Variants in PKD2 observed in about 807,000 individuals in gnomAD.
The protein encoded by PKD2 is polycystin 2, transient receptor potential cation channel.
In PKD2, 48 loss-of-function variants were observed where a neutral mutation model predicts 105.9. The ratio of observed to expected loss-of-function variants is 0.45; its 90% CI spans 0.36 to 0.58. PKD2 has a LOEUF of 0.58. PKD2 is among the 20% of genes least tolerant of loss of function. The probability of loss-of-function intolerance (pLI) is 0.00; values close to 1 mark genes in which losing one functional copy is unlikely to be tolerated. For synonymous variants in PKD2, 464 were observed against 481.1 expected, an observed-to-expected ratio of 0.96 and a Z score of 0.46; for missense variants, 1,078 against 1,255.3, an observed-to-expected ratio of 0.86 and a Z score of 2.13.
chr4:88,050,653 T>C (rs1720053361), intron 6 of PKD2, among the ~76,000 whole-genome samples: 1 of 152,150 alleles, frequency 6.6e-6, no homozygotes, highest in Non-Finnish European at 1.5e-5. Context: ...AGAGTTACCA[T>C]TGGATCCAGT....
At position 88,076,584 on chromosome 4, in the gene PKD2, A is replaced by T. The variant is rs1721242108; in HGVS notation, c.*890A>T. 6.6e-6 allele frequency: 1 copy of T among 152,224 alleles called. No individual in the cohort carries two copies. Among genetic ancestry groups the T allele is most frequent in the Non-Finnish European group, 1.5e-5 (1 of 68,038 alleles). The allele number at this position is 152,224 out of a possible 1,614,324, so 9.4% of individuals were successfully genotyped here. A position where few individuals can be genotyped will look rare whatever the true frequency, so the allele number is the denominator to read the frequency against. ...TCATCTAGTGAGACCAACTTACTAA[A>T]TTTTTAGTATGCACTGAAAGTTTTT... On this transcript the variant is annotated 3_prime_UTR_variant, in exon 15 of 15. Transcript: ENST00000237596.
Position 88,056,181 on chromosome 4 carries a change from C to A in PKD2, c.1812C>A (p.Phe604Leu), listed in dbSNP as rs750325515. 1 of 1,613,308 alleles carries A rather than the reference C, an allele frequency of 6.2e-7. No individual in the cohort carries two copies. Among genetic ancestry groups the A allele is most frequent in the Non-Finnish European group, 8.5e-7 (1 of 1,179,414 alleles). Reference protein sequence around the residue: ...AKDLFGFAIMFFIIFLAYAQL... With the variant: ...AKDLFGFAIMLFIIFLAYAQL... ...ACCTGTTTGGCTTTGCTATTATGTT[C>A]TTCATTATTTTCCTAGCGTATGCTC... is the stretch of plus-strand genomic sequence containing the variant. Residue 604 changes from phenylalanine to leucine, a missense_variant, in exon 8 of 15, where the codon TTC (phenylalanine) becomes TTA (leucine). By Grantham distance (22) the Phe-to-Leu change is conservative. This residue lies in a region of PKD2 where 868 missense variants were observed against 1,067.3 expected (regional missense o/e 0.81). Coordinates refer to ENST00000237596, the MANE Select transcript of PKD2 (RefSeq NM_000297.4).
chr4:88,037,731 A>G (rs6847466), intron 3 of PKD2, among the ~76,000 whole-genome samples: 2,344 of 152,298 alleles, frequency 0.015, 62 homozygotes, highest in African/African-American at 0.053. Flanking sequence ...ACTTTTGTAT[A>G]CACATTCCAT....
At chr4:88,044,728 G>A (rs75169140) in intron 5 of PKD2, among the ~76,000 whole-genome samples, 1,813 of 152,244 alleles carry the variant, frequency 0.012, 35 homozygotes, top group African/African-American at 0.041. Flanking sequence ...ATCAACTGTT[G>A]TGTGCCAGCA....
At chr4:88,072,584 A>T (rs1021574926) in intron 13 of PKD2, among the ~76,000 whole-genome samples, 40 of 152,168 alleles carry the variant, frequency 2.6e-4, no homozygotes, top group Non-Finnish European at 4.9e-4. Context: ...ATCCTGCTTT[A>T]TGAACAAGTC....
intron 8 of PKD2, among the ~76,000 whole-genome samples, chr4:88,057,494 G>A (rs532167263): frequency 4.7e-5 from 7 of 148,892 alleles, no homozygotes; most frequent in East Asian, 2.0e-4. Flanking sequence ...AGAGTGCAGC[G>A]GTGTAATCTC....
chr4:88,065,380 CATAA>C lies in PKD2; in HGVS notation c.2127_2130del (p.His709GlnfsTer6). On this transcript the variant is annotated frameshift_variant, in exon 11 of 15. Transcript: ENST00000237596. LOFTEE classifies it high-confidence loss of function. ...TTTTTTCTCTCTCTGATAGGGCTAC[CATAA>C]AGCTTTGGTCAAACTAAAACTGAAA... 6.2e-7 allele frequency: 1 copy of C among 1,611,572 alleles called. No homozygotes were observed. The highest frequency in any genetic ancestry group is 1.1e-5 in the South Asian group (1 of 91,012).
rs764051714 is a variant in PKD2, at chr4:88,038,319, C to T, written c.912C>T (p.Asp304=). The change falls in exon 4 of 15, where the codon GAC becomes GAT. Residue 304 remains aspartate (D), a synonymous_variant. Coordinates refer to ENST00000237596, the MANE Select transcript of PKD2 (RefSeq NM_000297.4). ...KMQPSNQTEA[D]NRSFIFYENL... ...AGCCCAGCAACCAGACTGAAGCTGA[C>T]AACCGAAGTTTCATCTTCTATGAGA... is the stretch of plus-strand genomic sequence containing the variant. 1 of 1,613,800 alleles carries T rather than the reference C, an allele frequency of 6.2e-7. No individual in the cohort carries two copies. The highest frequency in any genetic ancestry group is 8.5e-7 in the Non-Finnish European group (1 of 1,179,674).
At chr4:88,052,778 TAGAGAA>T (rs1305870342) in intron 7 of PKD2, among the ~76,000 whole-genome samples, 1 of 151,820 alleles carries the variant, frequency 6.6e-6, no homozygotes, top group Non-Finnish European at 1.5e-5. Context: ...AAAAGGAACT[TAGAGAA>T]AGAGAGGGAA....
intron 10 of PKD2, 34 bp downstream of exon 10, chr4:88,062,038 T>C (rs374421128): frequency 2.5e-5 from 25 of 1,014,818 alleles, no homozygotes; most frequent in Non-Finnish European, 3.5e-5. Context: ...AATTCTTCTG[T>C]TTCTGACATA....
At chr4:88,044,887 C>CA (rs1252652514) in intron 5 of PKD2, among the ~76,000 whole-genome samples, 7 of 145,776 alleles carry the variant, frequency 4.8e-5, no homozygotes, top group African/African-American at 1.0e-4. Context: ...TCACAGTGGC[C>CA]AAAAAAAAAG....
At chr4:88,066,523 G>A (rs1056433555) in intron 12 of PKD2, among the ~76,000 whole-genome samples, 6 of 151,820 alleles carry the variant, frequency 4.0e-5, no homozygotes, top group African/African-American at 9.7e-5. Flanking sequence ...CATCATGCCC[G>A]GCTAATTTTT....
rs1390480223 is a variant in PKD2, at chr4:88,007,860, C to T, written c.127C>T (p.Pro43Ser). The T allele has an allele frequency of 2.1e-5, 26 of 1,234,366 alleles. No homozygotes were observed. Among genetic ancestry groups the T allele is most frequent in the Non-Finnish European group, 2.6e-5 (26 of 989,756 alleles). The allele number at this position is 1,234,366 out of a possible 1,614,324, so 76.5% of individuals were successfully genotyped here. A position where few individuals can be genotyped will look rare whatever the true frequency, so the allele number is the denominator to read the frequency against. The change falls in exon 1 of 15, where the codon CCG becomes TCG. Residue 43 changes from proline to serine, a missense_variant. Pro to Ser is a moderately conservative substitution (Grantham distance 74, BLOSUM62 -1). Coordinates refer to ENST00000237596, the MANE Select transcript of PKD2 (RefSeq NM_000297.4). ...CAAVGASLAA[P>S]GGLCEQRGLE... The stretch of plus-strand genomic sequence containing the variant: ...GGCCGTGGGCGCCAGCCTCGCCGCC[C>T]CGGGCGGCCTCTGCGAGCAGCGGGG...
chr4:88,036,813 A>G (rs1381510039), intron 3 of PKD2, among the ~76,000 whole-genome samples: 1 of 152,216 alleles, frequency 6.6e-6, no homozygotes, highest in Non-Finnish European at 1.5e-5. Flanking sequence ...TGTAAGGCCA[A>G]TGAAGGGCAG....
chr4:88,060,028 G>A (rs1720512888), intron 9 of PKD2, among the ~76,000 whole-genome samples: 1 of 152,138 alleles, frequency 6.6e-6, no homozygotes, highest in African/African-American at 2.4e-5. Flanking sequence ...GGGAACCTCG[G>A]GAGACAGGAT....
At chr4:88,008,443 C>G (rs973551050) in intron 1 of PKD2, 115 bp downstream of exon 1, 3 of 1,294,022 alleles carry the variant, frequency 2.3e-6, no homozygotes, top group Non-Finnish European at 3.0e-6. Flanking sequence ...CCTCTGCGTT[C>G]CGCCTCCCTT....
rs2110107209 is a variant in PKD2, at chr4:88,038,409, C to T, written c.1002C>T (p.Pro334=). The T allele has an allele frequency of 6.2e-7, 1 of 1,613,376 alleles. No homozygotes were observed. The highest frequency in any genetic ancestry group is 8.5e-7 in the Non-Finnish European group (1 of 1,179,344). Reference sequence around the variant, plus strand: ...TCAGAAATGGATCCTGCTCTATCCCCCAGGACTTGAGAGATGAAATTAAAG... The same window carrying T: ...TCAGAAATGGATCCTGCTCTATCCCTCAGGACTTGAGAGATGAAATTAAAG... ...LRVRNGSCSI[P]QDLRDEIKEC... Residue 334 remains proline (P), a synonymous_variant, in exon 4 of 15, where the codon CCC becomes CCT. Coordinates refer to ENST00000237596, the MANE Select transcript of PKD2 (RefSeq NM_000297.4).
chr4:88,042,402 C>T (rs1450501125), intron 4 of PKD2, among the ~76,000 whole-genome samples: 2 of 152,168 alleles, frequency 1.3e-5, no homozygotes, highest in African/African-American at 4.8e-5. Context: ...GATTCAATTA[C>T]CTCCTACCGG....
At position 88,008,398 on chromosome 4, in the gene PKD2, C is replaced by G; in HGVS notation, c.595+70C>G. The G allele has an allele frequency of 2.7e-6, 4 of 1,458,358 alleles. No individual in the cohort carries two copies. In the South Asian group the frequency reaches 5.3e-5, roughly 19 times the overall value. The allele number at this position is 1,458,358 out of a possible 1,614,324, so 90.3% of individuals were successfully genotyped here. ...GCCGGCGCCGGCCGGGGCCATCGCC[C>G]GCTGCGGCAGCTCCCCGGGCTCCAT... On this transcript the variant is annotated intron_variant, in intron 1 of 14. Transcript: ENST00000237596.
Sources: gnomAD v4.1 joint callset for allele counts (sites outside exome capture counted in the v4.1 genomes callset) on GRCh38, gnomAD v4.1.1 for gene constraint, gnomAD v4.1.1 regional missense constraint, MANE v1.5 for transcripts, NCBI Gene and HGNC (gene_info 2026-07-23, HGNC 2026-07-21) for gene names.